PSMD8: variants seen among roughly 807,000 people sequenced by gnomAD.
The protein encoded by PSMD8 is proteasome 26S subunit, non-ATPase 8.
A neutral mutation model predicts 40.0 loss-of-function variants in PSMD8; 30 were observed. The observed-to-expected ratio is 0.75, with a 90% CI of 0.56 to 1.02. The LOEUF is 1.02. Ranked by LOEUF, PSMD8 falls within the 50% of genes least tolerant of loss-of-function variation. The pLI, the probability that PSMD8 is intolerant of heterozygous loss-of-function variation, is 0.00. For missense variants in PSMD8, 461 were observed against 463.9 expected (o/e 0.99, Z 0.06); for synonymous variants, 208 against 192.5 (o/e 1.08, Z -0.67).
In PSMD8 at chr19:38,379,250, C is replaced by T; in HGVS notation, c.547C>T (p.Pro183Ser). The change falls in exon 4 of 7, where the codon CCC becomes TCC. Residue 183 changes from proline (P) to serine (S), a missense_variant. Coordinates refer to ENST00000215071, the MANE Select transcript of PSMD8 (RefSeq NM_002812.5). ...CYYFDYKEQL[P>S]ESAYMHQLLG... Reference sequence around the variant, plus strand: ...ATCCCACGTCCACAGGGAGCAGCTCCCCGAGTCAGCCTATATGCACCAGCT... The same window carrying T: ...ATCCCACGTCCACAGGGAGCAGCTCTCCGAGTCAGCCTATATGCACCAGCT... 2 of 1,613,624 alleles carry T rather than the reference C, an allele frequency of 1.2e-6. No homozygotes were observed. Among genetic ancestry groups the T allele is most frequent in the Non-Finnish European group, 1.7e-6 (2 of 1,179,868 alleles).
intron 1 of PSMD8, 120 bp downstream of exon 1, chr19:38,375,081 G>C (rs965723408): frequency 6.9e-7 from 1 of 1,446,190 alleles, no homozygotes; most frequent in African/African-American, 1.4e-5. Flanking sequence ...ACTGAGGCGG[G>C]CTGGGGGATC....
intron 3 of PSMD8, among the ~76,000 whole-genome samples, chr19:38,378,888 G>A (rs1195102115): frequency 6.6e-6 from 1 of 152,158 alleles, no homozygotes; most frequent in Non-Finnish European, 1.5e-5. Flanking sequence ...GGCAAGCGGA[G>A]GTTGCAGTGA....
intron 3 of PSMD8, among the ~76,000 whole-genome samples, chr19:38,377,720 C>T (rs1216118028): frequency 6.6e-6 from 1 of 151,870 alleles, no homozygotes; most frequent in Non-Finnish European, 1.5e-5. Flanking sequence ...ACCTCCGCCT[C>T]CCAGGTTCAA....
At position 38,382,185 on chromosome 19, in the gene PSMD8, T is replaced by C. The variant is rs1168303771; in HGVS notation, c.872T>C (p.Leu291Pro). 1.3e-6 allele frequency: 2 copies of C among 1,596,732 alleles called. No homozygotes were observed. The highest frequency in any genetic ancestry group is 1.7e-6 in the Non-Finnish European group (2 of 1,172,122). ...KILFTEATRI[L>P]FFNTPKKMTD... ...CTTTTCACTGAGGCCACCCGGATCC[T>C]CTTCTTCAACACACCCAAAAAGATG... is the stretch of plus-strand genomic sequence containing the variant. Residue 291 changes from leucine to proline, a missense_variant, in exon 6 of 7, where the codon CTC becomes CCC. This residue lies in a region of PSMD8 where 236 missense variants were observed against 321.2 expected (regional missense o/e 0.73). Coordinates refer to ENST00000215071, the MANE Select transcript of PSMD8 (RefSeq NM_002812.5).
intron 3 of PSMD8, among the ~76,000 whole-genome samples, chr19:38,377,111 C>A (rs142485986): frequency 6.6e-6 from 1 of 152,250 alleles, no homozygotes; most frequent in East Asian, 1.9e-4. Flanking sequence ...AACATCCAGC[C>A]GCTTCCTGAT....
Position 38,383,673 on chromosome 19 carries a change from G to C in PSMD8, c.*283G>C. On this transcript the variant is annotated 3_prime_UTR_variant, in exon 7 of 7. Coordinates refer to ENST00000215071, the MANE Select transcript of PSMD8 (RefSeq NM_002812.5). ...GCCCCAGCAGCACTGTGGCCTGCAG[G>C]AGGGCATGGCCCCAGGTAGGGGGAC... 1 of 465,442 alleles carries C rather than the reference G, an allele frequency of 2.1e-6. No homozygotes were observed. The highest frequency in any genetic ancestry group is 3.9e-6 in the Non-Finnish European group (1 of 253,914). 28.8% of individuals were successfully genotyped at this position (465,442 alleles called of 1,614,324 possible). A position where few individuals can be genotyped will look rare whatever the true frequency, so the allele number is the denominator to read the frequency against.
chr19:38,379,206 C>T (rs767571738), intron 3 of PSMD8, 34 bp from the exon 4 acceptor site: 4 of 1,606,558 alleles, frequency 2.5e-6, no homozygotes, highest in Admixed American at 1.7e-5. Context: ...CCCTTAAATC[C>T]TCCTTAACCT....
At chr19:38,378,750 G>A (rs1356709067) in intron 3 of PSMD8, among the ~76,000 whole-genome samples, 1 of 151,278 alleles carries the variant, frequency 6.6e-6, no homozygotes, top group African/African-American at 2.4e-5. Flanking sequence ...TCAGGAGTTC[G>A]AGACCAGCCT....
In PSMD8 at chr19:38,374,831, G is replaced by GCTC; in HGVS notation, c.232_234dup (p.Ser78dup). The GCTC allele has an allele frequency of 6.3e-7, 1 of 1,575,814 alleles. No homozygotes were observed. The highest frequency in any genetic ancestry group is 1.8e-5 in the Admixed American group (1 of 56,340). Reference sequence around the variant, plus strand: ...GTGAACGGGGCGGCAGGCTTCTCGAGCTCCGGGCCCGCGGCAACCTCGGGC... The same window carrying GCTC: ...GTGAACGGGGCGGCAGGCTTCTCGAGCTCCTCCGGGCCCGCGGCAACCTCGGGC... On this transcript the variant is annotated inframe_insertion, in exon 1 of 7. Coordinates refer to ENST00000215071, the MANE Select transcript of PSMD8 (RefSeq NM_002812.5).
At chr19:38,381,679 C>A (rs1487447530) in intron 5 of PSMD8, among the ~76,000 whole-genome samples, 1 of 152,238 alleles carries the variant, frequency 6.6e-6, no homozygotes, top group Non-Finnish European at 1.5e-5. Context: ...TACCCCCTCC[C>A]TCACTACAGT....
chr19:38,383,042 G>A (rs892178216), intron 6 of PSMD8, among the ~76,000 whole-genome samples: 1 of 152,124 alleles, frequency 6.6e-6, no homozygotes, highest in Admixed American at 6.6e-5. Context: ...AATCCTCACA[G>A]TTGACCCAGA....
chr19:38,380,936 C>G lies in PSMD8; in HGVS notation c.740C>G (p.Ala247Gly), dbSNP rs1970635632. The stretch of plus-strand genomic sequence containing the variant: ...GGCAGCTACAACAAAGTGTTCCTGG[C>G]CAAGGGTAACATCCCCGCCGAGAGC... ...MEGSYNKVFL[A>G]KGNIPAESYT... is the part of the protein sequence containing the mutation. The change falls in exon 5 of 7, where the codon GCC becomes GGC. Residue 247 changes from alanine to glycine, a missense_variant. Ala to Gly is a moderately conservative substitution (Grantham distance 60). This residue lies in a region of PSMD8 where 236 missense variants were observed against 321.2 expected (regional missense o/e 0.73). Transcript: ENST00000215071. 1 of 1,521,840 alleles carries G rather than the reference C, an allele frequency of 6.6e-7. No individual in the cohort carries two copies. The highest frequency in any genetic ancestry group is 1.6e-5 in the African/African-American group (1 of 62,476). 94.3% of individuals were successfully genotyped at this position (1,521,840 alleles called of 1,614,324 possible).
chr19:38,381,623 C>T (rs942705780), intron 5 of PSMD8, among the ~76,000 whole-genome samples: 12 of 152,282 alleles, frequency 7.9e-5, no homozygotes, highest in African/African-American at 2.6e-4. Flanking sequence ...ATGGCCTAAG[C>T]GATATTGGAG....
rs748688347 is a variant in PSMD8 at position 38,374,611 on chromosome 19, A to T, written c.10A>T (p.Lys4Ter). 6 of 1,482,748 alleles carry T rather than the reference A, an allele frequency of 4.0e-6. No homozygotes were observed. In the African/African-American group the frequency reaches 8.6e-5, roughly 21 times the overall value. The allele number at this position is 1,482,748 out of a possible 1,614,324, so 91.8% of individuals were successfully genotyped here. A position where few individuals can be genotyped will look rare whatever the true frequency, so the allele number is the denominator to read the frequency against. ...CGGAGCTCCAACTGACATGTTCATT[A>T]AGGGCAGGGCTCCGAGGGCGCCACC... MFI[K>*]GRAPRAPPRE... Residue 4 changes from lysine (K) to a stop codon, truncating the protein, a stop_gained, in exon 1 of 7, where the codon AAG becomes TAG. Transcript: ENST00000215071. LOFTEE classifies it high-confidence loss of function.
At position 38,380,893 on chromosome 19, in the gene PSMD8, C is replaced by T. The variant is rs1390269385; in HGVS notation, c.703-6C>T. On this transcript the variant is annotated splice_polypyrimidine_tract_variant and splice_region_variant and intron_variant, in intron 4 of 6. Transcript: ENST00000215071. ...CTCTCTTCTTCCCCCTTCCCGGCTT[C>T]TGCAGTACCTGATGGAGGGCAGCTA... 4 of 1,564,408 alleles carry T rather than the reference C, an allele frequency of 2.6e-6. No homozygotes were observed. The highest frequency in any genetic ancestry group is 1.4e-5 in the African/African-American group (1 of 73,442).
chr19:38,383,405 G>A lies in PSMD8; in HGVS notation c.*15G>A. 6.2e-7 allele frequency: 1 copy of A among 1,613,894 alleles called. No homozygotes were observed. Among genetic ancestry groups the A allele is most frequent in the Non-Finnish European group, 8.5e-7 (1 of 1,179,844 alleles). On this transcript the variant is annotated 3_prime_UTR_variant, in exon 7 of 7. Transcript: ENST00000215071. The stretch of plus-strand genomic sequence containing the variant: ...TGATCGTCTGAGCCCCCCGGGCACT[G>A]GGTGGGGCAGGGCACGAGTTATTTA...
In PSMD8 at chr19:38,383,679, A is replaced by G. The variant is rs1970663125; in HGVS notation, c.*289A>G. ...GCAGCACTGTGGCCTGCAGGAGGGC[A>G]TGGCCCCAGGTAGGGGGACTGTTCT... On this transcript the variant is annotated 3_prime_UTR_variant, in exon 7 of 7. Coordinates refer to ENST00000215071, the MANE Select transcript of PSMD8 (RefSeq NM_002812.5). 1 of 451,128 alleles carries G rather than the reference A, an allele frequency of 2.2e-6. No homozygotes were observed. Among genetic ancestry groups the G allele is most frequent in the Admixed American group, 3.4e-5 (1 of 29,620 alleles). The allele number at this position is 451,128 out of a possible 1,614,324, so 27.9% of individuals were successfully genotyped here. A position where few individuals can be genotyped will look rare whatever the true frequency, so the allele number is the denominator to read the frequency against.
At chr19:38,376,965 G>T (rs1407389746) in intron 3 of PSMD8, among the ~76,000 whole-genome samples, 1 of 152,196 alleles carries the variant, frequency 6.6e-6, no homozygotes, top group African/African-American at 2.4e-5. Flanking sequence ...CTCAGTTACT[G>T]CTATGTCCCT....
intron 4 of PSMD8, 131 bp downstream of exon 4, chr19:38,379,536 C>G: frequency 1.0e-6 from 1 of 997,420 alleles, no homozygotes; most frequent in Admixed American, 2.4e-5. Context: ...TCTTGTTTGT[C>G]CAACAAATAC....
Sources: allele counts gnomAD v4.1 joint callset (sites outside exome capture counted in the v4.1 genomes callset), GRCh38; gene constraint gnomAD v4.1.1; regional missense constraint gnomAD v4.1.1; transcripts MANE v1.5; gene names NCBI Gene and HGNC (gene_info 2026-07-23, HGNC 2026-07-21).